Variants in NINL observed in about 807,000 individuals in gnomAD.
NINL encodes the protein ninein like.
In NINL, 153 loss-of-function variants were observed where a neutral mutation model predicts 160.3. The observed-to-expected ratio is 0.95, with a 90% CI of 0.84 to 1.09. The LOEUF (loss-of-function observed/expected upper bound fraction) is 1.09. Among genes scored for constraint, NINL ranks in the 50% least tolerant of loss-of-function variants. The probability of loss-of-function intolerance (pLI) is 0.00; values close to 1 mark genes in which losing one functional copy is unlikely to be tolerated. For missense variants in NINL, 1,829 were observed against 1,764.0 expected, an observed-to-expected ratio of 1.04 and a Z score of -0.66; for synonymous variants, 800 against 734.8, an observed-to-expected ratio of 1.09 and a Z score of -1.43.
chr20:25,462,557 T>G lies in NINL; in HGVS notation c.3424-16A>C, dbSNP rs1374882875. ...AGTTCTGATTCTGGGGGAAAAAGTT[T>G]TTAAATACATAAGAAAAAAATGTTT... On this transcript the variant is annotated splice_polypyrimidine_tract_variant and intron_variant, in intron 19 of 23. Transcript: ENST00000278886. 6.3e-7 allele frequency: 1 copy of G among 1,590,382 alleles called. No homozygotes were observed. Among genetic ancestry groups the G allele is most frequent in the South Asian group, 1.1e-5 (1 of 86,960 alleles).
At chr20:25,472,282 T>G (rs2063112319) in intron 17 of NINL, among the ~76,000 whole-genome samples, 1 of 140,822 alleles carries the variant, frequency 7.1e-6, no homozygotes, top group African/African-American at 2.6e-5. Context: ...TGAAATGCTC[T>G]AACAGTCACA....
Position 25,481,976 on chromosome 20 carries a change from C to A in NINL, c.1802G>T (p.Gly601Val). The change falls in exon 14 of 24, where the codon GGC (glycine) becomes GTC (valine). Residue 601 changes from glycine (G) to valine (V), a missense_variant. Coordinates refer to ENST00000278886, the MANE Select transcript of NINL (RefSeq NM_025176.6). ...DGRRRQLPGL[G>V]PAGISFLGNS... ...CAGGGACGGGCTCCTACCTGCTGGGCCGAGTCCAGGGAGCTGCCGTCTGCG... is the reference window on the plus strand; with the variant it reads ...CAGGGACGGGCTCCTACCTGCTGGGACGAGTCCAGGGAGCTGCCGTCTGCG... The A allele has an allele frequency of 6.3e-7, 1 of 1,596,928 alleles. No individual in the cohort carries two copies. Among genetic ancestry groups the A allele is most frequent in the Non-Finnish European group, 8.5e-7 (1 of 1,178,408 alleles).
Position 25,476,791 on chromosome 20 carries a change from G to C in NINL, c.2500C>G (p.Leu834Val). Reference sequence around the variant, plus strand: ...CCCTCCTGGCCACTTCCTGCCACCAGCCCATCTTTCGGCAGGGCCTGCATC... The same window carrying C: ...CCCTCCTGGCCACTTCCTGCCACCACCCCATCTTTCGGCAGGGCCTGCATC... ...AEMQALPKDG[L>V]VAGSGQEGTR... is the part of the protein sequence containing the mutation. The change falls in exon 17 of 24, where the codon CTG (leucine) becomes GTG (valine). Residue 834 changes from leucine (L) to valine (V), a missense_variant. Coordinates refer to ENST00000278886, the MANE Select transcript of NINL (RefSeq NM_025176.6). 1 of 1,612,590 alleles carries C rather than the reference G, an allele frequency of 6.2e-7. No individual in the cohort carries two copies. The highest frequency in any genetic ancestry group is 8.5e-7 in the Non-Finnish European group (1 of 1,179,928).
intron 12 of NINL, 100 bp downstream of exon 12, chr20:25,489,775 T>G: frequency 1.1e-6 from 1 of 894,792 alleles, no homozygotes; most frequent in South Asian, 1.3e-5. Flanking sequence ...GAATACCGCA[T>G]TCTGTGACCT....
At chr20:25,502,949 G>A (rs1248984486) in intron 7 of NINL, among the ~76,000 whole-genome samples, 3 of 152,230 alleles carry the variant, frequency 2.0e-5, no homozygotes, top group African/African-American at 4.8e-5. Context: ...TTAGCAATGC[G>A]AGAACAGACT....
chr20:25,537,876 G>A (rs1043888809), intron 1 of NINL, among the ~76,000 whole-genome samples: 5 of 152,136 alleles, frequency 3.3e-5, no homozygotes, highest in East Asian at 3.9e-4. Context: ...TGCACGTCAC[G>A]TTAACTGCAC....
At chr20:25,585,094 C>T (rs113775785) in intron 1 of NINL, among the ~76,000 whole-genome samples, 11,249 of 152,252 alleles carry the variant, frequency 0.074, 471 homozygotes, top group Non-Finnish European at 0.1. Context: ...TAGCTCATTA[C>T]CACGGGGGGC....
intron 1 of NINL, among the ~76,000 whole-genome samples, chr20:25,528,421 A>G (rs2064395212): frequency 6.6e-6 from 1 of 152,232 alleles, no homozygotes; most frequent in African/African-American, 2.4e-5. Flanking sequence ...TAATCTACTT[A>G]CTGGTCACTT....
intron 2 of NINL, among the ~76,000 whole-genome samples, chr20:25,523,653 GT>G (rs1255909522): frequency 6.6e-6 from 1 of 151,744 alleles, no homozygotes; most frequent in Non-Finnish European, 1.5e-5. Context: ...TTGTTTGCTT[GT>G]TTTTTTGAGA....
At chr20:25,525,305 C>T (rs2064337563) in intron 2 of NINL, among the ~76,000 whole-genome samples, 1 of 152,284 alleles carries the variant, frequency 6.6e-6, no homozygotes, top group South Asian at 2.1e-4. Flanking sequence ...TTGTTTTGGC[C>T]CAAGGGCCAT....
At chr20:25,555,842 T>A (rs1217256863) in intron 1 of NINL, among the ~76,000 whole-genome samples, 1 of 152,136 alleles carries the variant, frequency 6.6e-6, no homozygotes, top group Non-Finnish European at 1.5e-5. Flanking sequence ...GCTTGGGTAA[T>A]TTTTGTATTT....
At chr20:25,505,220 C>A in intron 5 of NINL, 142 bp from the exon 6 acceptor site, 1 of 763,230 alleles carries the variant, frequency 1.3e-6, no homozygotes, top group South Asian at 2.1e-5. Flanking sequence ...TTAGCAGACA[C>A]AGAAAGACAA....
Position 25,489,915 on chromosome 20 carries a change from A to C in NINL, c.1556T>G (p.Leu519Arg). 6.2e-7 allele frequency: 1 copy of C among 1,614,096 alleles called. No individual in the cohort carries two copies. The highest frequency in any genetic ancestry group is 8.5e-7 in the Non-Finnish European group (1 of 1,180,014). ...EKLSDSERLA[L>R]KLQKDLEFVL... ...AAACTCCAGGTCCTTCTGCAGCTTC[A>C]GGGCCAGCCTCTCCGAATCCGAAAG... Residue 519 changes from leucine to arginine, a missense_variant, in exon 12 of 24, where the codon CTG (leucine) becomes CGG (arginine). By Grantham distance (102) the Leu-to-Arg change is moderately radical (BLOSUM62 -2). Transcript: ENST00000278886.
rs924029313 is a variant in NINL, at chr20:25,498,163, C to G, written c.1169+47G>C. ...GTCCCAGACCCCCCTCCAGGCCCAC[C>G]TGGCCAGCCACACTGCCACGTTCCC... is the stretch of plus-strand genomic sequence containing the variant. On this transcript the variant is annotated intron_variant, in intron 9 of 23. Transcript: ENST00000278886. 1.9e-6 allele frequency: 3 copies of G among 1,605,254 alleles called. No homozygotes were observed. The African/African-American group carries it at 4.0e-5, about 21-fold the overall frequency.
intron 1 of NINL, among the ~76,000 whole-genome samples, chr20:25,570,230 A>G (rs184007789): frequency 6.6e-5 from 10 of 152,188 alleles, no homozygotes; most frequent in Middle Eastern, 3.4e-3. Flanking sequence ...ATAGACACCA[A>G]TATGGTTTGG....
chr20:25,480,022 C>G (rs749301642), intron 15 of NINL, 139 bp downstream of exon 15: 19 of 653,846 alleles, frequency 2.9e-5, no homozygotes, highest in Middle Eastern at 8.3e-4. Context: ...TCTCTACAAA[C>G]TTTCCTCCCC....
rs199894600 is a variant in NINL, at chr20:25,476,089, C to A, written c.3202G>T (p.Val1068Phe). 9 of 1,613,986 alleles carry A rather than the reference C, an allele frequency of 5.6e-6. No individual in the cohort carries two copies. The highest frequency in any genetic ancestry group is 7.6e-6 in the Non-Finnish European group (9 of 1,179,832). Reference protein sequence around the residue: ...METKLLHLEDVVRALEKHVDL... With the variant: ...METKLLHLEDFVRALEKHVDL... ...ACATGTTTCTCCAGAGCCCGGACGA[C>A]GTCTTCCAGATGTAGAAGTTTGGTT... Residue 1068 changes from valine (V) to phenylalanine (F), a missense_variant, in exon 17 of 24, where the codon GTC becomes TTC. By Grantham distance (50) the Val-to-Phe change is conservative. Transcript: ENST00000278886.
intron 1 of NINL, among the ~76,000 whole-genome samples, chr20:25,568,097 G>T (rs1295599389): frequency 6.6e-6 from 1 of 151,314 alleles, no homozygotes; most frequent in Non-Finnish European, 1.5e-5. Flanking sequence ...AAAACTGAAC[G>T]CAGAAAAGTA....
chr20:25,453,739 C>G, intron 23 of NINL, 97 bp from the exon 24 acceptor site: 1 of 1,152,546 alleles, frequency 8.7e-7, no homozygotes, highest in Non-Finnish European at 1.2e-6. Context: ...ACGCAAACCA[C>G]AGTTTTGGGC....
Sources: allele counts gnomAD v4.1 joint callset (sites outside exome capture counted in the v4.1 genomes callset), GRCh38; gene constraint gnomAD v4.1.1; transcripts MANE v1.5; gene names NCBI Gene and HGNC (gene_info 2026-07-23, HGNC 2026-07-21).